Variants in CNTNAP5 observed in about 807,000 individuals in gnomAD.
The protein encoded by CNTNAP5 is contactin associated protein family member 5.
In CNTNAP5, 72 loss-of-function variants were observed where a neutral mutation model predicts 150.2. That is an observed-to-expected ratio of 0.48 (90% CI 0.40 to 0.58). The LOEUF (loss-of-function observed/expected upper bound fraction) is 0.58, where lower values mean the gene tolerates loss of function less well. Ranked by LOEUF, CNTNAP5 falls within the 20% of genes least tolerant of loss-of-function variation. The probability of loss-of-function intolerance (pLI) is 0.00; values close to 1 mark genes in which losing one functional copy is unlikely to be tolerated. For synonymous variants in CNTNAP5, 672 were observed against 619.8 expected (o/e 1.08, Z -1.25); for missense variants, 1,636 against 1,626.2 (o/e 1.01, Z -0.10).
chr2:124,028,559 A>G (rs1451426941), intron 1 of CNTNAP5, among the ~76,000 whole-genome samples: 1 of 152,160 alleles, frequency 6.6e-6, no homozygotes, highest in African/African-American at 2.4e-5. Context: ...GATTTTCAGG[A>G]TATTAAATAG....
intron 13 of CNTNAP5, among the ~76,000 whole-genome samples, chr2:124,660,442 G>A (rs530244268): frequency 3.9e-5 from 6 of 152,238 alleles, no homozygotes; most frequent in South Asian, 2.1e-4. Flanking sequence ...TGAAAATATA[G>A]CACAAGCCAC....
At chr2:124,533,711 G>A (rs970884996) in intron 10 of CNTNAP5, among the ~76,000 whole-genome samples, 5 of 152,156 alleles carry the variant, frequency 3.3e-5, no homozygotes, top group Admixed American at 3.3e-4. Flanking sequence ...GAGCTTTCCT[G>A]ATCTTCCTCT....
At chr2:124,762,456 G>A (rs1032681952) in intron 14 of CNTNAP5, among the ~76,000 whole-genome samples, 2 of 151,914 alleles carry the variant, frequency 1.3e-5, no homozygotes, top group Non-Finnish European at 2.9e-5. Context: ...GACTTGCCTG[G>A]GGCCACAGAG....
chr2:124,332,411 T>C (rs1573921667), intron 3 of CNTNAP5, among the ~76,000 whole-genome samples: 1 of 151,310 alleles, frequency 6.6e-6, no homozygotes, highest in Non-Finnish European at 1.5e-5. Context: ...TTCTGTAGAC[T>C]AACACAATTT....
intron 3 of CNTNAP5, among the ~76,000 whole-genome samples, chr2:124,353,729 C>T (rs984523877): frequency 6.6e-6 from 1 of 152,156 alleles, no homozygotes; most frequent in African/African-American, 2.4e-5. Flanking sequence ...AGAAGTGGAA[C>T]ATTCCATCAG....
chr2:124,508,441 G>A (rs1006330514), intron 8 of CNTNAP5, among the ~76,000 whole-genome samples: 1 of 152,192 alleles, frequency 6.6e-6, no homozygotes, highest in Non-Finnish European at 1.5e-5. Context: ...ATGTTTTTGA[G>A]TACAGAGACT....
chr2:124,249,439 T>C (rs1477060792), intron 3 of CNTNAP5, among the ~76,000 whole-genome samples: 1 of 152,154 alleles, frequency 6.6e-6, no homozygotes, highest in African/African-American at 2.4e-5. Context: ...ATCTGAGAAC[T>C]TCCTCTGCAC....
chr2:124,786,344 A>G (rs1299000867), intron 17 of CNTNAP5, among the ~76,000 whole-genome samples: 7 of 112,328 alleles, frequency 6.2e-5, no homozygotes, highest in East Asian at 5.3e-4. Flanking sequence ...AGAAAGAAAG[A>G]AAGAAAGGAA....
intron 19 of CNTNAP5, among the ~76,000 whole-genome samples, chr2:124,828,600 A>G (rs1274978477): frequency 2.6e-5 from 4 of 152,040 alleles, no homozygotes; most frequent in Admixed American, 2.6e-4. Flanking sequence ...TTCTCTTCTT[A>G]GTCCTATCTA....
chr2:124,143,907 C>G (rs1258345380), intron 1 of CNTNAP5, among the ~76,000 whole-genome samples: 2 of 131,668 alleles, frequency 1.5e-5, no homozygotes, highest in Admixed American at 7.9e-5. Context: ...CATCTCAGCC[C>G]AAAATCTCCT....
At chr2:124,502,494 G>C (rs904067269) in intron 7 of CNTNAP5, among the ~76,000 whole-genome samples, 9 of 152,130 alleles carry the variant, frequency 5.9e-5, no homozygotes, top group Admixed American at 5.2e-4. Flanking sequence ...TCATCTTTGT[G>C]AACATTCCCA....
intron 3 of CNTNAP5, among the ~76,000 whole-genome samples, chr2:124,380,000 G>T (rs1456441263): frequency 6.6e-6 from 1 of 151,962 alleles, no homozygotes; most frequent in Non-Finnish European, 1.5e-5. Context: ...GTTTGTTTAT[G>T]TTTTATTATT....
At chr2:124,897,225 T>C (rs1678324572) in intron 21 of CNTNAP5, among the ~76,000 whole-genome samples, 1 of 151,544 alleles carries the variant, frequency 6.6e-6, no homozygotes, top group Admixed American at 6.6e-5. Context: ...CTGAAAGTTC[T>C]TTTGCATTCT....
Position 124,242,258 on chromosome 2 carries a change from G to T in CNTNAP5, c.246G>T (p.Leu82=), listed in dbSNP as rs1424341701. ...CTCAACAGTGGCTCCAGATGGACCT[G>T]GGAAACAGAGTAGAGATTACAGCAG... The part of the protein sequence containing the change: ...SNAQQWLQMD[L]GNRVEITAVA... Residue 82 remains leucine (L), a synonymous_variant, in exon 3 of 24, where the codon CTG becomes CTT. Coordinates refer to ENST00000682447, the MANE Select transcript of CNTNAP5 (RefSeq NM_001367498.1). 6.2e-7 allele frequency: 1 copy of T among 1,606,378 alleles called. No homozygotes were observed. Among genetic ancestry groups the T allele is most frequent in the East Asian group, 2.3e-5 (1 of 44,356 alleles).
At chr2:124,811,564 A>C (rs982371266) in intron 19 of CNTNAP5, among the ~76,000 whole-genome samples, 1 of 152,196 alleles carries the variant, frequency 6.6e-6, no homozygotes, top group Admixed American at 6.6e-5. Flanking sequence ...AGTGGCACAC[A>C]TGCCCCTTTT....
intron 4 of CNTNAP5, among the ~76,000 whole-genome samples, chr2:124,421,316 G>C (rs1179668822): frequency 6.6e-6 from 1 of 152,100 alleles, no homozygotes; most frequent in Non-Finnish European, 1.5e-5. Context: ...TAGATTAGTG[G>C]TGCCCTCAGC....
chr2:124,606,399 A>G (rs1488276985), intron 11 of CNTNAP5, among the ~76,000 whole-genome samples: 5 of 152,186 alleles, frequency 3.3e-5, no homozygotes, highest in African/African-American at 1.2e-4. Context: ...CAATATAGAC[A>G]TGCTATTTAG....
At chr2:124,828,034 C>T (rs919713697) in intron 19 of CNTNAP5, among the ~76,000 whole-genome samples, 1 of 152,106 alleles carries the variant, frequency 6.6e-6, no homozygotes, top group African/African-American at 2.4e-5. Flanking sequence ...CCCAGTGTGC[C>T]ATGGACAGGG....
chr2:124,285,557 T>C (rs1277570378), intron 3 of CNTNAP5, among the ~76,000 whole-genome samples: 1 of 151,792 alleles, frequency 6.6e-6, no homozygotes, highest in African/African-American at 2.4e-5. Context: ...CTCAACAATT[T>C]GGGAAGCCGA....
Sources: gnomAD v4.1 joint callset for allele counts (sites outside exome capture counted in the v4.1 genomes callset) on GRCh38, gnomAD v4.1.1 for gene constraint, MANE v1.5 for transcripts, NCBI Gene and HGNC (gene_info 2026-07-23, HGNC 2026-07-21) for gene names.